Variants in CAPZA2 observed in about 807,000 individuals in gnomAD.
CAPZA2 encodes the protein F-actin-capping protein subunit alpha-2.
In CAPZA2, 13 loss-of-function variants were observed where a neutral mutation model predicts 44.0. That is an observed-to-expected ratio of 0.30 (90% CI 0.19 to 0.47). The LOEUF is 0.47. Among genes scored for constraint, CAPZA2 ranks in the 20% least tolerant of loss-of-function variants. The probability of loss-of-function intolerance (pLI) is 1.00; values close to 1 mark genes in which losing one functional copy is unlikely to be tolerated. For missense variants in CAPZA2, 244 were observed against 338.6 expected (o/e 0.72, Z 2.19); for synonymous variants, 94 against 108.2 (o/e 0.87, Z 0.81).
chr7:116,910,394 A>T, intron 7 of CAPZA2, 83 bp downstream of exon 7: 2 of 718,520 alleles, frequency 2.8e-6, no homozygotes, highest in South Asian at 3.2e-5. Flanking sequence ...TTTTCATAGT[A>T]TATCATACAC....
intron 1 of CAPZA2, among the ~76,000 whole-genome samples, chr7:116,867,085 T>C (rs920000419): frequency 6.6e-6 from 1 of 152,248 alleles, no homozygotes; most frequent in Non-Finnish European, 1.5e-5. Context: ...CGTCAAAATA[T>C]GTATTATACA....
chr7:116,890,599 C>T lies in CAPZA2; in HGVS notation c.104-2395C>T, dbSNP rs111950465. Among the ~76,000 whole-genome samples, 127 of 48,888 alleles carry T rather than the reference C, an allele frequency of 2.6e-3. 3 individuals are homozygous for T. The highest frequency in any genetic ancestry group is 0.018 in the African/African-American group (100 of 5,442). 32.1% of individuals were successfully genotyped at this position (48,888 alleles called of 152,430 possible). A position where few individuals can be genotyped will look rare whatever the true frequency, so the allele number is the denominator to read the frequency against. ...ATATATATATATATATATATATATA[C>T]ACACACACACACACATATATACAAA... is the stretch of plus-strand genomic sequence containing the variant. On this transcript the variant is annotated intron_variant, in intron 2 of 9. Transcript: ENST00000361183.
intron 3 of CAPZA2, among the ~76,000 whole-genome samples, chr7:116,896,190 G>T (rs4730765): frequency 0.9 from 137,455 of 152,024 alleles, 62,279 homozygotes; most frequent in East Asian, 1. Flanking sequence ...GCCCTTTACC[G>T]TTTTTGTAGT....
chr7:116,866,735 G>A (rs1210606217), intron 1 of CAPZA2, among the ~76,000 whole-genome samples: 1 of 152,180 alleles, frequency 6.6e-6, no homozygotes, highest in African/African-American at 2.4e-5. Context: ...ACAATAATCT[G>A]TCCCATAGCT....
At chr7:116,869,782 G>C (rs1476187305) in intron 1 of CAPZA2, among the ~76,000 whole-genome samples, 2 of 152,246 alleles carry the variant, frequency 1.3e-5, no homozygotes, top group Non-Finnish European at 2.9e-5. Context: ...TAGCGTTCCA[G>C]TTGGTTAGAG....
At chr7:116,901,131 A>G (rs1463589981) in intron 4 of CAPZA2, among the ~76,000 whole-genome samples, 1 of 152,174 alleles carries the variant, frequency 6.6e-6, no homozygotes, top group African/African-American at 2.4e-5. Context: ...CGGAATTACC[A>G]TTTGACCCAG....
At chr7:116,915,939 T>C (rs1343720564) in intron 8 of CAPZA2, 121 bp from the exon 9 acceptor site, 8 of 671,382 alleles carry the variant, frequency 1.2e-5, no homozygotes, top group African/African-American at 3.8e-5. Flanking sequence ...CAATATTTAT[T>C]CTATGTCATA....
At chr7:116,911,213 G>C (rs1791591204) in intron 7 of CAPZA2, among the ~76,000 whole-genome samples, 1 of 152,098 alleles carries the variant, frequency 6.6e-6, no homozygotes, top group South Asian at 2.1e-4. Context: ...AGCAAGGATT[G>C]TCTGATTCAC....
chr7:116,879,026 T>A (rs1480044922), intron 1 of CAPZA2, among the ~76,000 whole-genome samples: 1 of 144,838 alleles, frequency 6.9e-6, no homozygotes, highest in East Asian at 2.0e-4. Context: ...CTCAGGAGGC[T>A]GAGGCAGGAG....
chr7:116,914,584 C>T (rs1360866309), intron 8 of CAPZA2, among the ~76,000 whole-genome samples: 1 of 152,136 alleles, frequency 6.6e-6, no homozygotes, highest in Non-Finnish European at 1.5e-5. Context: ...GCCTCAGCCT[C>T]TCTAGTAGCT....
At chr7:116,878,817 TG>T (rs1796652935) in intron 1 of CAPZA2, among the ~76,000 whole-genome samples, 1 of 152,128 alleles carries the variant, frequency 6.6e-6, no homozygotes, top group Admixed American at 6.5e-5. Flanking sequence ...TGAAAATGTC[TG>T]TATTCCAGGT....
At chr7:116,891,817 T>C (rs919754752) in intron 2 of CAPZA2, among the ~76,000 whole-genome samples, 1 of 152,166 alleles carries the variant, frequency 6.6e-6, no homozygotes, top group Non-Finnish European at 1.5e-5. Context: ...GGCCAGGATA[T>C]TGTTTTTTAA....
intron 9 of CAPZA2, 36 bp downstream of exon 9, chr7:116,916,158 C>T (rs1352630489): frequency 2.0e-6 from 3 of 1,473,122 alleles, no homozygotes; most frequent in Non-Finnish European, 2.7e-6. Context: ...GCTACACTCA[C>T]ATATGAATTA....
intron 1 of CAPZA2, among the ~76,000 whole-genome samples, chr7:116,882,115 G>T (rs552508999): frequency 3.4e-4 from 52 of 152,216 alleles, no homozygotes; most frequent in Non-Finnish European, 5.0e-4. Context: ...GGTAAAGGTG[G>T]TGTATGGCGA....
intron 2 of CAPZA2, among the ~76,000 whole-genome samples, chr7:116,891,136 G>A (rs1273069238): frequency 1.3e-5 from 2 of 152,054 alleles, no homozygotes; most frequent in East Asian, 3.9e-4. Context: ...GCCACAGCCT[G>A]ATTTCTTCTT....
chr7:116,910,355 C>A, intron 7 of CAPZA2, 44 bp downstream of exon 7: 1 of 915,240 alleles, frequency 1.1e-6, no homozygotes, highest in Non-Finnish European at 1.8e-6. Context: ...TGATTCTGAA[C>A]AGAGAAACAA....
rs1417010039 is a variant in CAPZA2 at position 116,919,779 on chromosome 7, G to A, written c.*1912G>A. On this transcript the variant is annotated 3_prime_UTR_variant, in exon 10 of 10. Transcript: ENST00000361183. ...ACTCGGGAGGCTGAGGCAGGAGAAT[G>A]GCGTGAACCCGGGAGGCGGAGCTCG... 1.3e-5 allele frequency: 2 copies of A among 151,340 alleles called. No individual in the cohort carries two copies. The highest frequency in any genetic ancestry group is 4.9e-5 in the African/African-American group (2 of 41,218). 9.4% of individuals were successfully genotyped at this position (151,340 alleles called of 1,614,324 possible).
chr7:116,873,020 C>A (rs1796571545), intron 1 of CAPZA2, among the ~76,000 whole-genome samples: 1 of 152,152 alleles, frequency 6.6e-6, no homozygotes, highest in African/African-American at 2.4e-5. Context: ...TTTTTCCAAG[C>A]TTTCCAGGTG....
At chr7:116,865,367 G>A (rs1796470803) in intron 1 of CAPZA2, among the ~76,000 whole-genome samples, 3 of 151,096 alleles carry the variant, frequency 2.0e-5, no homozygotes, top group Admixed American at 2.0e-4. Flanking sequence ...TGTATTTTTA[G>A]TAGAGACGGG....
Sources: allele counts gnomAD v4.1 joint callset (sites outside exome capture counted in the v4.1 genomes callset), GRCh38; gene constraint gnomAD v4.1.1; transcripts MANE v1.5; gene names NCBI Gene and HGNC (gene_info 2026-07-23, HGNC 2026-07-21).